The following ARL8B variants were observed in gnomAD, a reference collection of about 807,000 sequenced individuals.
ARL8B encodes the protein ADP-ribosylation factor-like protein 8B.
Under a neutral mutation model 30.6 loss-of-function variants are expected in ARL8B, and 9 were observed. The ratio of observed to expected loss-of-function variants is 0.29; its 90% CI spans 0.18 to 0.51. ARL8B has a LOEUF of 0.51. Ranked by LOEUF, ARL8B falls within the 20% of genes least tolerant of loss-of-function variation. The pLI, the probability that ARL8B is intolerant of heterozygous loss-of-function variation, is 0.97. For synonymous variants in ARL8B, 74 were observed against 76.0 expected (o/e 0.97, Z 0.14); for missense variants, 130 against 227.2 (o/e 0.57, Z 2.75).
At chr3:5,123,452 T>A (rs1459797138) in intron 1 of ARL8B, among the ~76,000 whole-genome samples, 1 of 152,184 alleles carries the variant, frequency 6.6e-6, no homozygotes, top group Non-Finnish European at 1.5e-5. Context: ...AGGTGATTGT[T>A]TCGTTTTGCT....
chr3:5,123,162 A>G (rs1349142876), intron 1 of ARL8B, among the ~76,000 whole-genome samples: 2 of 152,114 alleles, frequency 1.3e-5, no homozygotes. Flanking sequence ...AGGCGCGGAG[A>G]CCAAGCTCAT....
At chr3:5,147,199 G>A (rs987811029) in intron 1 of ARL8B, among the ~76,000 whole-genome samples, 2 of 152,118 alleles carry the variant, frequency 1.3e-5, no homozygotes, top group African/African-American at 2.4e-5. Context: ...GCCCTGGTAT[G>A]TGATGTTCCC....
chr3:5,138,952 T>C (rs1246782865), intron 1 of ARL8B, among the ~76,000 whole-genome samples: 1 of 152,194 alleles, frequency 6.6e-6, no homozygotes, highest in Non-Finnish European at 1.5e-5. Flanking sequence ...GCCCATGGCA[T>C]TCTCTGCAGC....
chr3:5,137,699 A>G (rs1374371020), intron 1 of ARL8B, among the ~76,000 whole-genome samples: 1 of 152,090 alleles, frequency 6.6e-6, no homozygotes, highest in Non-Finnish European at 1.5e-5. Flanking sequence ...TGGCCTCCCA[A>G]AGTGTTGGGA....
chr3:5,172,376 A>T (rs1379757743), intron 3 of ARL8B, among the ~76,000 whole-genome samples, 153 bp downstream of exon 3: 7 of 152,114 alleles, frequency 4.6e-5, no homozygotes, highest in Non-Finnish European at 8.8e-5. Context: ...CATGGGATTT[A>T]AAAAAAATTA....
intron 1 of ARL8B, among the ~76,000 whole-genome samples, chr3:5,139,295 G>A (rs113624032): frequency 3.9e-5 from 6 of 152,272 alleles, no homozygotes; most frequent in African/African-American, 1.4e-4. Context: ...AGGCAAAATA[G>A]TATTTGTAAA....
chr3:5,172,265 A>G, intron 3 of ARL8B, 42 bp downstream of exon 3: 1 of 1,524,650 alleles, frequency 6.6e-7, no homozygotes, highest in Non-Finnish European at 9.0e-7. Context: ...AAATCAATGT[A>G]GGCATCAAAG....
At chr3:5,148,991 C>T (rs1343217716) in intron 1 of ARL8B, among the ~76,000 whole-genome samples, 2 of 152,172 alleles carry the variant, frequency 1.3e-5, no homozygotes, top group Admixed American at 1.3e-4. Context: ...GTACTCGACC[C>T]GCGCTACTAG....
chr3:5,144,274 A>G (rs764628881), intron 1 of ARL8B, among the ~76,000 whole-genome samples: 3 of 152,154 alleles, frequency 2.0e-5, no homozygotes, highest in Non-Finnish European at 2.9e-5. Flanking sequence ...ATCACCAGTA[A>G]ATACTTTAGT....
At chr3:5,172,927 T>C (rs967670814) in intron 4 of ARL8B, among the ~76,000 whole-genome samples, 187 bp downstream of exon 4, 1 of 152,232 alleles carries the variant, frequency 6.6e-6, no homozygotes, top group Non-Finnish European at 1.5e-5. Context: ...CATAACCACG[T>C]ATCTACTAAA....
intron 1 of ARL8B, among the ~76,000 whole-genome samples, chr3:5,153,487 T>C (rs2054503941): frequency 6.6e-6 from 1 of 152,168 alleles, no homozygotes; most frequent in Admixed American, 6.5e-5. Flanking sequence ...CCCAGCCACA[T>C]GGAACTGTTA....
chr3:5,162,596 A>G (rs2054592407), intron 1 of ARL8B, among the ~76,000 whole-genome samples: 2 of 152,238 alleles, frequency 1.3e-5, no homozygotes, highest in Admixed American at 1.3e-4. Flanking sequence ...AAGAAGCCTT[A>G]ATTAATTATA....
intron 6 of ARL8B, among the ~76,000 whole-genome samples, chr3:5,176,195 T>A (rs939001492): frequency 1.3e-5 from 2 of 152,200 alleles, no homozygotes; most frequent in Admixed American, 6.5e-5. Flanking sequence ...TATCCTTCCC[T>A]AACTCACCTT....
rs1289581479 is a variant in ARL8B at position 5,149,483 on chromosome 3, C to A, written c.124-21020C>A. 8.9e-3 allele frequency among the ~76,000 whole-genome samples: 1,357 copies of A among 152,324 alleles called. 16 individuals are homozygous for A. The highest frequency in any genetic ancestry group is 0.031 in the African/African-American group (1,272 of 41,568). On this transcript the variant is annotated intron_variant, in intron 1 of 6. Transcript: ENST00000256496. Reference sequence around the variant, plus strand: ...ATCCCGTGTGTGGTAGGCAGGCACACCTGGGGCAGTTACGACAGGCAATTT... The same window carrying A: ...ATCCCGTGTGTGGTAGGCAGGCACAACTGGGGCAGTTACGACAGGCAATTT...
At chr3:5,142,486 C>T (rs919904891) in intron 1 of ARL8B, among the ~76,000 whole-genome samples, 1 of 152,116 alleles carries the variant, frequency 6.6e-6, no homozygotes. Flanking sequence ...ATCAGTATCC[C>T]ATCCTAGGGG....
At chr3:5,148,445 T>A (rs995279072) in intron 1 of ARL8B, among the ~76,000 whole-genome samples, 5 of 152,200 alleles carry the variant, frequency 3.3e-5, no homozygotes, top group Non-Finnish European at 7.3e-5. Context: ...TTGGCTCTCC[T>A]GTGGTCTCCA....
chr3:5,148,593 T>A (rs1402306809), intron 1 of ARL8B, among the ~76,000 whole-genome samples: 1 of 152,128 alleles, frequency 6.6e-6, no homozygotes, highest in Non-Finnish European at 1.5e-5. Context: ...GTTCTTTTTC[T>A]TCTTCTTTGA....
chr3:5,159,810 A>G (rs1345031795), intron 1 of ARL8B, among the ~76,000 whole-genome samples: 2 of 152,024 alleles, frequency 1.3e-5, no homozygotes, highest in Admixed American at 6.6e-5. Context: ...AGGGCACACA[A>G]TGACAAGTCT....
intron 1 of ARL8B, among the ~76,000 whole-genome samples, chr3:5,155,186 C>G (rs551590821): frequency 7.2e-5 from 11 of 152,154 alleles, no homozygotes; most frequent in African/African-American, 2.7e-4. Context: ...AAATAGGATT[C>G]TCGGTTAACA....
Sources: gnomAD v4.1 joint callset for allele counts (sites outside exome capture counted in the v4.1 genomes callset) on GRCh38, gnomAD v4.1.1 for gene constraint, MANE v1.5 for transcripts, NCBI Gene and HGNC (gene_info 2026-07-23, HGNC 2026-07-21) for gene names.